Variants in HMGCLL1 observed in about 807,000 individuals in gnomAD.
HMGCLL1 encodes 3-hydroxy-3-methylglutaryl-CoA lyase like 1, also known as 3-hydroxymethyl-3-methylglutaryl-CoA lyase, cytoplasmic.
HMGCLL1 carries 36 observed loss-of-function variants against 39.1 expected under a neutral mutation model. That is an observed-to-expected ratio of 0.92 (90% CI 0.71 to 1.22). The LOEUF (loss-of-function observed/expected upper bound fraction) is 1.22. HMGCLL1 is among the 50% of genes most tolerant of loss of function. HMGCLL1 has a pLI of 0.00. For missense variants in HMGCLL1, 451 were observed against 416.5 expected, an observed-to-expected ratio of 1.08 and a Z score of -0.72; for synonymous variants, 149 against 144.0, an observed-to-expected ratio of 1.03 and a Z score of -0.25.
upstream of HMGCLL1, among the ~76,000 whole-genome samples, chr6:55,579,553 T>C (rs1771934016): frequency 6.6e-6 from 1 of 150,708 alleles, no homozygotes; most frequent in African/African-American, 2.4e-5. Flanking sequence ...GCTCACGGAG[T>C]TTATGCTTTA....
At chr6:55,594,782 T>A in the HMGCLL1 span, among the ~76,000 whole-genome samples, 1 of 152,188 alleles carries the variant, frequency 6.6e-6, no homozygotes, top group Non-Finnish European at 1.5e-5. Flanking sequence ...CTGTGCCTAG[T>A]GTGATGAGAT....
chr6:55,527,483 G>C (rs1202316354), intron 3 of HMGCLL1, among the ~76,000 whole-genome samples: 2 of 152,004 alleles, frequency 1.3e-5, no homozygotes, highest in East Asian at 1.9e-4. Context: ...CTTCGATAAA[G>C]GAAAGCTAAT....
intron 8 of HMGCLL1, among the ~76,000 whole-genome samples, chr6:55,437,119 C>A (rs553670192): frequency 2.0e-5 from 3 of 151,914 alleles, no homozygotes; most frequent in African/African-American, 7.2e-5. Flanking sequence ...TTGTTGATAT[C>A]GCACCAAAGA....
chr6:55,558,801 T>G (rs376831621), intron 1 of HMGCLL1, among the ~76,000 whole-genome samples: 1 of 152,202 alleles, frequency 6.6e-6, no homozygotes, highest in East Asian at 1.9e-4. Context: ...GAGCTGCTCC[T>G]TGGCTCTTTA....
At chr6:55,632,722 T>C in the HMGCLL1 span, among the ~76,000 whole-genome samples, 1 of 152,104 alleles carries the variant, frequency 6.6e-6, no homozygotes, top group Non-Finnish European at 1.5e-5. Flanking sequence ...ATAATGGATT[T>C]GAGCTCCTGA....
chr6:55,660,529 C>T, the HMGCLL1 span, among the ~76,000 whole-genome samples: 2 of 151,886 alleles, frequency 1.3e-5, no homozygotes, highest in African/African-American at 4.8e-5. Context: ...CATCCATGTA[C>T]CTGCAAAAGG....
chr6:55,597,622 C>T, the HMGCLL1 span, among the ~76,000 whole-genome samples: 1 of 151,798 alleles, frequency 6.6e-6, no homozygotes. Flanking sequence ...AATTTCTCCG[C>T]TTTTTTCATT....
the HMGCLL1 span, among the ~76,000 whole-genome samples, chr6:55,675,438 T>A: frequency 6.6e-6 from 1 of 152,110 alleles, no homozygotes; most frequent in Non-Finnish European, 1.5e-5. Flanking sequence ...AACAATAAAA[T>A]GTTTTCCATT....
chr6:55,655,534 T>TGGTAGATA, the HMGCLL1 span, among the ~76,000 whole-genome samples: 1 of 52,070 alleles, frequency 1.9e-5, no homozygotes, highest in Non-Finnish European at 4.1e-5. Flanking sequence ...GTAGTTATAT[T>TGGTAGATA]GGTAGATAGA....
chr6:55,501,503 A>C (rs1451559900), intron 5 of HMGCLL1, among the ~76,000 whole-genome samples: 1 of 151,854 alleles, frequency 6.6e-6, no homozygotes, highest in Non-Finnish European at 1.5e-5. Flanking sequence ...GCTTTTCCTG[A>C]GTGAGAAAAG....
chr6:55,628,538 A>T, the HMGCLL1 span, among the ~76,000 whole-genome samples: 7 of 151,858 alleles, frequency 4.6e-5, no homozygotes, highest in Admixed American at 4.6e-4. Flanking sequence ...ACCTGATCTC[A>T]GGTGATCTGC....
the HMGCLL1 span, among the ~76,000 whole-genome samples, chr6:55,610,084 T>C: frequency 1.3e-5 from 2 of 151,980 alleles, no homozygotes; most frequent in Non-Finnish European, 2.9e-5. Context: ...AAATAATCAA[T>C]GAAAAAATGC....
the HMGCLL1 span, among the ~76,000 whole-genome samples, chr6:55,587,387 A>G: frequency 6.6e-6 from 1 of 152,030 alleles, no homozygotes; most frequent in Admixed American, 6.6e-5. Flanking sequence ...TGTCACCACC[A>G]GGCCTGCCTT....
chr6:55,666,596 C>T, the HMGCLL1 span, among the ~76,000 whole-genome samples: 44 of 151,596 alleles, frequency 2.9e-4, no homozygotes, highest in African/African-American at 8.9e-4. Flanking sequence ...AGATTCATAG[C>T]GGGACTCATT....
At chr6:55,545,974 C>G (rs141391030) in intron 1 of HMGCLL1, among the ~76,000 whole-genome samples, 1 of 152,112 alleles carries the variant, frequency 6.6e-6, no homozygotes, top group African/African-American at 2.4e-5. Flanking sequence ...AGGAGCTGCA[C>G]TTGGGGAACC....
intron 7 of HMGCLL1, among the ~76,000 whole-genome samples, chr6:55,462,261 T>C (rs1157709750): frequency 6.6e-6 from 1 of 152,198 alleles, no homozygotes; most frequent in African/African-American, 2.4e-5. Flanking sequence ...ATCTGCTCTC[T>C]TGGGACCTTC....
the HMGCLL1 span, among the ~76,000 whole-genome samples, chr6:55,593,383 T>A: frequency 2.6e-5 from 4 of 152,194 alleles, no homozygotes; most frequent in Non-Finnish European, 5.9e-5. Context: ...CAAACATCAT[T>A]TCCTTTTAAC....
At chr6:55,616,230 A>G in the HMGCLL1 span, among the ~76,000 whole-genome samples, 3 of 152,212 alleles carry the variant, frequency 2.0e-5, no homozygotes, top group Non-Finnish European at 4.4e-5. Flanking sequence ...GAACATTCAC[A>G]AACATGATAC....
intron 1 of HMGCLL1, among the ~76,000 whole-genome samples, chr6:55,569,263 T>C (rs1408383761): frequency 6.6e-6 from 1 of 152,022 alleles, no homozygotes; most frequent in African/African-American, 2.4e-5. Flanking sequence ...AGCCAGGAGC[T>C]CTGGAAAGAC....
Sources: gnomAD v4.1 joint callset for allele counts (sites outside exome capture counted in the v4.1 genomes callset) on GRCh38, gnomAD v4.1.1 for gene constraint, MANE v1.5 for transcripts, NCBI Gene and HGNC (gene_info 2026-07-23, HGNC 2026-07-21) for gene names.